The following NCKAP5 variants were observed in gnomAD, a reference collection of about 807,000 sequenced individuals.
NCKAP5 encodes the protein nck-associated protein 5.
In NCKAP5, 92 loss-of-function variants were observed where a neutral mutation model predicts 167.0. The ratio of observed to expected loss-of-function variants is 0.55; its 90% CI spans 0.47 to 0.66. The LOEUF is 0.66. Among genes scored for constraint, NCKAP5 ranks in the 30% least tolerant of loss-of-function variants. The pLI is 0.00. For synonymous variants in NCKAP5, 891 were observed against 877.4 expected (o/e 1.02, Z -0.27); for missense variants, 2,378 against 2,315.0 (o/e 1.03, Z -0.56).
chr2:133,125,970 T>C (rs922692894), intron 6 of NCKAP5, among the ~76,000 whole-genome samples: 5 of 152,342 alleles, frequency 3.3e-5, no homozygotes, highest in African/African-American at 1.2e-4. Context: ...AAACTACTCA[T>C]TCAAGCATTT....
chr2:133,221,072 T>C (rs1427204427), intron 4 of NCKAP5, among the ~76,000 whole-genome samples: 2 of 149,808 alleles, frequency 1.3e-5, no homozygotes, highest in African/African-American at 5.1e-5. Context: ...CCAGCTCACG[T>C]CAAGCAAACT....
intron 5 of NCKAP5, among the ~76,000 whole-genome samples, chr2:133,152,339 T>C (rs2083411669): frequency 6.6e-6 from 1 of 152,172 alleles, no homozygotes; most frequent in Non-Finnish European, 1.5e-5. Flanking sequence ...TCCTTTGCCC[T>C]GTAATTTTTC....
intron 4 of NCKAP5, among the ~76,000 whole-genome samples, chr2:133,267,839 A>G (rs542274585): frequency 1.5e-4 from 23 of 152,300 alleles, no homozygotes; most frequent in Non-Finnish European, 2.6e-4. Flanking sequence ...AATCACATAT[A>G]TTTGTACTGG....
chr2:132,926,804 A>T (rs1010740455), intron 8 of NCKAP5, among the ~76,000 whole-genome samples: 2 of 151,926 alleles, frequency 1.3e-5, no homozygotes, highest in Non-Finnish European at 2.9e-5. Context: ...ATTTGCAAAT[A>T]TTTTCTCCCA....
At chr2:133,534,134 T>A (rs1685575808) in intron 2 of NCKAP5, among the ~76,000 whole-genome samples, 1 of 152,202 alleles carries the variant, frequency 6.6e-6, no homozygotes, top group South Asian at 2.1e-4. Context: ...ATAAGGTGTG[T>A]ATTTTTGGTT....
intron 12 of NCKAP5, among the ~76,000 whole-genome samples, 197 bp downstream of exon 12, chr2:132,796,431 C>T (rs558518366): frequency 3.4e-4 from 51 of 152,206 alleles, no homozygotes; most frequent in Non-Finnish European, 6.0e-4. Flanking sequence ...GATATTTTTG[C>T]CAAGAATGAC....
At chr2:133,441,823 G>T (rs541198522) in intron 3 of NCKAP5, among the ~76,000 whole-genome samples, 1 of 152,058 alleles carries the variant, frequency 6.6e-6, no homozygotes, top group Non-Finnish European at 1.5e-5. Flanking sequence ...TTTCCTAAGC[G>T]AACTCTCAGG....
At chr2:132,756,540 C>T (rs1248619738) in intron 16 of NCKAP5, among the ~76,000 whole-genome samples, 1 of 152,092 alleles carries the variant, frequency 6.6e-6, no homozygotes, top group Non-Finnish European at 1.5e-5. Flanking sequence ...TACCCTGTCT[C>T]TCCAACAGTT....
chr2:132,967,356 A>G (rs190817311), intron 7 of NCKAP5, among the ~76,000 whole-genome samples: 31 of 152,342 alleles, frequency 2.0e-4, no homozygotes, highest in African/African-American at 7.2e-4. Context: ...AGGGCAATCA[A>G]TGAAAGCTGT....
chr2:132,893,597 A>G (rs1360060543), intron 8 of NCKAP5, among the ~76,000 whole-genome samples: 2 of 152,192 alleles, frequency 1.3e-5, no homozygotes, highest in Admixed American at 1.3e-4. Flanking sequence ...AAAGTTCAAA[A>G]ACTGGAAAAA....
intron 6 of NCKAP5, among the ~76,000 whole-genome samples, chr2:133,085,452 T>C (rs554300853): frequency 1.0e-3 from 156 of 152,240 alleles, no homozygotes; most frequent in African/African-American, 3.5e-3. Context: ...ACAACATATA[T>C]ACACACACAA....
intron 3 of NCKAP5, among the ~76,000 whole-genome samples, chr2:133,516,256 TACACACAGAGACAC>T (rs1683982919): frequency 1.3e-5 from 2 of 152,056 alleles, no homozygotes; most frequent in Non-Finnish European, 2.9e-5. Flanking sequence ...CACATACATA[TACACACAGAGACAC>T]ACACACAGAC....
intron 8 of NCKAP5, among the ~76,000 whole-genome samples, chr2:132,906,181 C>A (rs548572016): frequency 7.8e-4 from 118 of 152,220 alleles, no homozygotes; most frequent in Admixed American, 1.6e-3. Context: ...GATTTCTTTG[C>A]CAGATTTGGG....
At position 132,870,752 on chromosome 2, in the gene NCKAP5, T is replaced by C. The variant is rs192922383; in HGVS notation, c.649-1778A>G. Among the ~76,000 whole-genome samples the C allele has an allele frequency of 5.8e-5, 7 of 120,654 alleles. No homozygotes were observed. The East Asian group carries it at 2.3e-3, about 40-fold the overall frequency. The allele number at this position is 120,654 out of a possible 152,430, so 79.2% of individuals were successfully genotyped here. ...ATAGTCGAACAGATTATAGTAAGAA[T>C]GTTTCCATGGAGCTTAATTGTTTTT... On this transcript the variant is annotated intron_variant, in intron 9 of 19. Coordinates refer to ENST00000409261, the MANE Select transcript of NCKAP5 (RefSeq NM_207363.3).
Position 132,796,685 on chromosome 2 carries a change from A to T in NCKAP5, c.852T>A (p.Leu284=). The T allele has an allele frequency of 6.2e-7, 1 of 1,613,502 alleles. No homozygotes were observed. Among genetic ancestry groups the T allele is most frequent in the Non-Finnish European group, 8.5e-7 (1 of 1,179,684 alleles). ...RLLDLSSGDL[L]SEVERNRSLT... is the part of the protein sequence containing the mutation. Reference sequence around the variant, plus strand: ...GACTTCGGTTTCTTTCCACCTCTGAAAGCAAATCTCCAGATGAAAGATCCA... The same window carrying T: ...GACTTCGGTTTCTTTCCACCTCTGATAGCAAATCTCCAGATGAAAGATCCA... Residue 284 remains leucine (L), a synonymous_variant, in exon 12 of 20, where the codon CTT becomes CTA. Transcript: ENST00000409261.
At chr2:133,468,439 T>C (rs1692770312) in intron 3 of NCKAP5, among the ~76,000 whole-genome samples, 1 of 150,826 alleles carries the variant, frequency 6.6e-6, no homozygotes, top group Non-Finnish European at 1.5e-5. Flanking sequence ...AAGTATGTGG[T>C]CAATTTTGGA....
At chr2:133,320,766 A>G (rs1255666094) in intron 3 of NCKAP5, among the ~76,000 whole-genome samples, 1 of 152,112 alleles carries the variant, frequency 6.6e-6, no homozygotes, top group Non-Finnish European at 1.5e-5. Flanking sequence ...AAGGCCCTTT[A>G]TGCCTCCTGG....
At chr2:133,646,621 A>T in the NCKAP5 span, among the ~76,000 whole-genome samples, 1 of 152,182 alleles carries the variant, frequency 6.6e-6, no homozygotes, top group Non-Finnish European at 1.5e-5. Flanking sequence ...AAACAAAAAA[A>T]CCCTAAGCAG....
intron 12 of NCKAP5, among the ~76,000 whole-genome samples, chr2:132,794,286 AGAGAGAGAGAGAGAGAGAGAGG>A (rs1684370447): frequency 8.4e-6 from 1 of 118,866 alleles, no homozygotes; most frequent in Non-Finnish European, 1.8e-5. Flanking sequence ...AGAGAGAGAG[AGAGAGAGAGAGAGAGAGAGAGG>A]GTGGCGGGAA....
Sources: gnomAD v4.1 joint callset for allele counts (sites outside exome capture counted in the v4.1 genomes callset) on GRCh38, gnomAD v4.1.1 for gene constraint, MANE v1.5 for transcripts, NCBI Gene and HGNC (gene_info 2026-07-23, HGNC 2026-07-21) for gene names.